Variants in SDHAF4 observed in about 807,000 individuals in gnomAD.
SDHAF4 encodes the protein succinate dehydrogenase assembly factor 4, mitochondrial.
Under a neutral mutation model 14.3 loss-of-function variants are expected in SDHAF4, and 14 were observed. The observed-to-expected ratio is 0.98, with a 90% CI of 0.65 to 1.53. The LOEUF (loss-of-function observed/expected upper bound fraction) is 1.53. Ranked by LOEUF, SDHAF4 falls within the 40% of genes most tolerant of loss-of-function variation. SDHAF4 has a pLI of 0.00. For missense variants in SDHAF4, 141 were observed against 129.3 expected (o/e 1.09, Z -0.44); for synonymous variants, 63 against 47.3 (o/e 1.33, Z -1.36).
intron 1 of SDHAF4, 29 bp downstream of exon 1, chr6:70,567,033 G>T: frequency 1.9e-6 from 3 of 1,560,480 alleles, no homozygotes; most frequent in East Asian, 4.8e-5. Context: ...GGCCACGGTC[G>T]CGGGAGGGGT....
Position 70,579,439 on chromosome 6 carries a change from G to A in SDHAF4, c.90G>A (p.Leu30=), listed in dbSNP as rs766139316. ...AARSPLLCHS[L]RKTSSSQGGK... is the part of the protein sequence containing the mutation. ...GATCACCCCTTCTGTGTCATTCTCTGAGGAAAACAAGTTCTTCTCAAGGAG... is the reference window on the plus strand; with the variant it reads ...GATCACCCCTTCTGTGTCATTCTCTAAGGAAAACAAGTTCTTCTCAAGGAG... Residue 30 remains leucine (L), a synonymous_variant, in exon 2 of 3, where the codon CTG becomes CTA. Coordinates refer to ENST00000370474, the MANE Select transcript of SDHAF4 (RefSeq NM_145267.3). 6.8e-6 allele frequency: 11 copies of A among 1,606,192 alleles called. No individual in the cohort carries two copies. The highest frequency in any genetic ancestry group is 9.4e-6 in the Non-Finnish European group (11 of 1,176,064).
At chr6:70,568,608 G>A (rs990311925) in intron 1 of SDHAF4, among the ~76,000 whole-genome samples, 1 of 152,068 alleles carries the variant, frequency 6.6e-6, no homozygotes, top group Non-Finnish European at 1.5e-5. Context: ...AGGACATTTG[G>A]GTAATTCCAG....
At chr6:70,596,704 G>C in the SDHAF4 span, 1 of 152,146 alleles carries the variant, frequency 6.6e-6, no homozygotes, top group African/African-American at 2.4e-5. Context: ...TCATGCCATG[G>C]AGTGTTGTAC....
chr6:70,590,366 G>A (rs925500047), downstream of SDHAF4, among the ~76,000 whole-genome samples: 5 of 152,244 alleles, frequency 3.3e-5, no homozygotes, highest in African/African-American at 1.2e-4. Context: ...TAACCAAGAG[G>A]TGGAATATTC....
At chr6:70,570,882 C>CA (rs1391480321) in intron 1 of SDHAF4, among the ~76,000 whole-genome samples, 3 of 151,038 alleles carry the variant, frequency 2.0e-5, no homozygotes, top group East Asian at 1.9e-4. Flanking sequence ...TCTTTTAAAC[C>CA]AAAAAATCTC....
intron 1 of SDHAF4, among the ~76,000 whole-genome samples, chr6:70,569,358 TC>T (rs1203656420): frequency 1.3e-5 from 2 of 152,016 alleles, no homozygotes; most frequent in Non-Finnish European, 2.9e-5. Flanking sequence ...AACATCTGCC[TC>T]CTGAGTTCAA....
intron 2 of SDHAF4, 54 bp from the exon 3 acceptor site, chr6:70,588,561 A>G (rs892388369): frequency 8.7e-6 from 7 of 802,054 alleles, no homozygotes; most frequent in African/African-American, 5.2e-5. Flanking sequence ...TAAATTGACT[A>G]TAAGGCCTTT....
intron 2 of SDHAF4, among the ~76,000 whole-genome samples, chr6:70,580,609 G>T (rs1326741637): frequency 6.6e-6 from 1 of 152,164 alleles, no homozygotes; most frequent in African/African-American, 2.4e-5. Context: ...TAAACAAAAT[G>T]TGGCATATAC....
rs1404822407 is a variant in SDHAF4 at position 70,579,419 on chromosome 6, C to T, written c.70C>T (p.Pro24Ser). ...SATAWRAARSPLLCHSLRKTS... is the reference protein window; with the variant it reads ...SATAWRAARSSLLCHSLRKTS... ...TATTATCTCCACTCTTCTAGGATCA[C>T]CCCTTCTGTGTCATTCTCTGAGGAA... The change falls in exon 2 of 3, where the codon CCC (proline) becomes TCC (serine). Residue 24 changes from proline (P) to serine (S), a missense_variant. By Grantham distance (74) the Pro-to-Ser change is moderately conservative (BLOSUM62 -1). Coordinates refer to ENST00000370474, the MANE Select transcript of SDHAF4 (RefSeq NM_145267.3). 1 of 1,590,772 alleles carries T rather than the reference C, an allele frequency of 6.3e-7. No homozygotes were observed. Among genetic ancestry groups the T allele is most frequent in the Admixed American group, 1.8e-5 (1 of 57,024 alleles).
chr6:70,589,349 A>G lies in SDHAF4; in HGVS notation c.*625A>G, dbSNP rs1765238684. The G allele has an allele frequency of 6.6e-6, 1 of 151,948 alleles. No homozygotes were observed. The highest frequency in any genetic ancestry group is 1.5e-5 in the Non-Finnish European group (1 of 68,004). 9.4% of individuals were successfully genotyped at this position (151,948 alleles called of 1,614,324 possible). On this transcript the variant is annotated 3_prime_UTR_variant, in exon 3 of 3. Coordinates refer to ENST00000370474, the MANE Select transcript of SDHAF4 (RefSeq NM_145267.3). ...CCTGGCTAATTTTTGTATTTTTAGTAAAGACAAGGTTTCACCATGTTAGCC... is the reference window on the plus strand; with the variant it reads ...CCTGGCTAATTTTTGTATTTTTAGTGAAGACAAGGTTTCACCATGTTAGCC...
chr6:70,590,416 G>A (rs1765248059), downstream of SDHAF4, among the ~76,000 whole-genome samples: 1 of 152,212 alleles, frequency 6.6e-6, no homozygotes, highest in Non-Finnish European at 1.5e-5. Flanking sequence ...TCTTGGAATT[G>A]TGGTGCCACC....
rs5877254 is a variant in SDHAF4 at position 70,568,962 on chromosome 6, CT to C, written c.64+1979del. 3.7e-3 allele frequency among the ~76,000 whole-genome samples: 366 copies of C among 97,958 alleles called. 1 individual carries two copies. The highest frequency in any genetic ancestry group is 0.014 in the African/African-American group (334 of 23,718). 64.3% of individuals were successfully genotyped at this position (97,958 alleles called of 152,430 possible). ...TTTGTGAAATACCTCTTTCTTTTTT[CT>C]TTTTTTTTTTTTTTTTTTTTGAGGC... On this transcript the variant is annotated intron_variant, in intron 1 of 2. Coordinates refer to ENST00000370474, the MANE Select transcript of SDHAF4 (RefSeq NM_145267.3).
At chr6:70,573,264 C>CTTTTTTTTT (rs202098262) in intron 1 of SDHAF4, among the ~76,000 whole-genome samples, 2,385 of 110,260 alleles carry the variant, frequency 0.022, 521 homozygotes, top group African/African-American at 0.1. Flanking sequence ...GCTATTTGGC[C>CTTTTTTTTT]TTTTTTTTTT....
chr6:70,576,468 A>C (rs1802256940), intron 1 of SDHAF4, among the ~76,000 whole-genome samples: 1 of 152,228 alleles, frequency 6.6e-6, no homozygotes, highest in South Asian at 2.1e-4. Context: ...TCTGTTCTTC[A>C]CCAGAAACCC....
chr6:70,567,806 C>T (rs1192396040), intron 1 of SDHAF4: 2 of 152,226 alleles, frequency 1.3e-5, no homozygotes, highest in Non-Finnish European at 2.9e-5. Context: ...CTGCCTCAGC[C>T]TCCTGAGTAG....
intron 2 of SDHAF4, among the ~76,000 whole-genome samples, chr6:70,587,522 G>T (rs763733633): frequency 5.3e-5 from 8 of 152,044 alleles, no homozygotes; most frequent in Non-Finnish European, 1.0e-4. Flanking sequence ...AAGAATTAGC[G>T]CTCTGTCTAA....
chr6:70,576,827 A>G (rs1042890920), intron 1 of SDHAF4, among the ~76,000 whole-genome samples: 1 of 152,204 alleles, frequency 6.6e-6, no homozygotes, highest in African/African-American at 2.4e-5. Context: ...CAGGGAAGGA[A>G]ACAAAAAGGG....
At chr6:70,572,333 T>G (rs1802193570) in intron 1 of SDHAF4, among the ~76,000 whole-genome samples, 2 of 152,268 alleles carry the variant, frequency 1.3e-5, no homozygotes, top group South Asian at 2.1e-4. Context: ...TGATCTTCTT[T>G]GTTATAAGTT....
chr6:70,575,522 T>G (rs1802243089), intron 1 of SDHAF4, among the ~76,000 whole-genome samples: 1 of 152,156 alleles, frequency 6.6e-6, no homozygotes, highest in Non-Finnish European at 1.5e-5. Context: ...CCATTTCACT[T>G]TGTGTTCACC....
Sources: gnomAD v4.1 joint callset for allele counts (sites outside exome capture counted in the v4.1 genomes callset) on GRCh38, gnomAD v4.1.1 for gene constraint, MANE v1.5 for transcripts, NCBI Gene and HGNC (gene_info 2026-07-23, HGNC 2026-07-21) for gene names.